Variants in CAB39L observed in about 807,000 individuals in gnomAD.
CAB39L encodes the protein calcium-binding protein 39-like.
CAB39L carries 23 observed loss-of-function variants against 39.1 expected under a neutral mutation model. That is an observed-to-expected ratio of 0.59 (90% CI 0.42 to 0.83). CAB39L has a LOEUF of 0.83. Ranked by LOEUF, CAB39L falls within the 40% of genes least tolerant of loss-of-function variation. The pLI is 0.00. For synonymous variants in CAB39L, 126 were observed against 137.2 expected, an observed-to-expected ratio of 0.92 and a Z score of 0.57; for missense variants, 366 against 391.9, an observed-to-expected ratio of 0.93 and a Z score of 0.56.
chr13:49,383,686 C>T (rs989343314), intron 3 of CAB39L, among the ~76,000 whole-genome samples: 1 of 152,166 alleles, frequency 6.6e-6, no homozygotes, highest in Non-Finnish European at 1.5e-5. Context: ...TTACGCTATA[C>T]TGCAGTCTAT....
At chr13:49,343,976 T>C (rs1251515614) in intron 8 of CAB39L, among the ~76,000 whole-genome samples, 2 of 152,060 alleles carry the variant, frequency 1.3e-5, no homozygotes, top group African/African-American at 2.4e-5. Flanking sequence ...CGAAGAGATG[T>C]GAAAAAGGTG....
intron 3 of CAB39L, chr13:49,401,087 C>A (rs1374725664): frequency 1.3e-5 from 2 of 152,104 alleles, no homozygotes; most frequent in Admixed American, 6.6e-5. Flanking sequence ...TTACCATATT[C>A]CTTCCATTTC....
chr13:49,400,722 T>C (rs1956751918), intron 3 of CAB39L, among the ~76,000 whole-genome samples: 1 of 152,088 alleles, frequency 6.6e-6, no homozygotes, highest in South Asian at 2.1e-4. Flanking sequence ...AATGCTGTAA[T>C]TTATAATACA....
intron 10 of CAB39L, among the ~76,000 whole-genome samples, chr13:49,323,948 A>T (rs1401231450): frequency 6.6e-6 from 1 of 152,158 alleles, no homozygotes; most frequent in Non-Finnish European, 1.5e-5. Context: ...TGAATGGGGC[A>T]TCTTGTATTT....
chr13:49,371,902 AT>A (rs1047045851), intron 5 of CAB39L, among the ~76,000 whole-genome samples: 2 of 151,932 alleles, frequency 1.3e-5, no homozygotes, highest in Admixed American at 6.5e-5. Context: ...TGTTTTGCTA[AT>A]TTTTTTTAAT....
chr13:49,416,281 A>G (rs565417381), intron 3 of CAB39L, among the ~76,000 whole-genome samples: 2 of 152,328 alleles, frequency 1.3e-5, no homozygotes, highest in Admixed American at 1.3e-4. Flanking sequence ...TTGCCCTTCT[A>G]CAGAATGTGC....
In CAB39L at chr13:49,344,215, C is replaced by T. The variant is rs368589391; in HGVS notation, c.588G>A (p.Val196=). The change falls in exon 8 of 11, where the codon GTG becomes GTA. Residue 196 remains valine, a synonymous_variant. Transcript: ENST00000409308. ...TFKDLLTRHK[V]LVADFLEQNY... is the part of the protein sequence containing the mutation. ...TTTGTTCTAAGAAGTCTGCTACCAA[C>T]ACTTTATGTCTGGTTAGTAAATCCT... is the stretch of plus-strand genomic sequence containing the variant. The T allele has an allele frequency of 3.1e-4, 496 of 1,599,120 alleles. 1 individual carries two copies. The highest frequency in any genetic ancestry group is 3.9e-4 in the Non-Finnish European group (460 of 1,166,956).
intron 10 of CAB39L, among the ~76,000 whole-genome samples, chr13:49,329,449 G>T (rs1954603431): frequency 6.7e-6 from 1 of 150,228 alleles, no homozygotes. Flanking sequence ...CGAACACATG[G>T]AGACTCCTGA....
intron 3 of CAB39L, among the ~76,000 whole-genome samples, chr13:49,418,577 TA>T (rs1212561506): frequency 1.3e-5 from 2 of 152,220 alleles, no homozygotes; most frequent in African/African-American, 4.8e-5. Context: ...TTTGTTTATT[TA>T]TTTTTTTGAG....
chr13:49,359,771 C>T lies in CAB39L; in HGVS notation c.338G>A (p.Ser113Asn), dbSNP rs138590524. The T allele has an allele frequency of 8.1e-6, 13 of 1,613,304 alleles. No homozygotes were observed. The highest frequency in any genetic ancestry group is 1.1e-5 in the Non-Finnish European group (13 of 1,179,312). ...AGCACTAATATACTCCACAGTAGGA[C>T]TCCGAGTGCCTATCTGTCTTCTCAA... is the stretch of plus-strand genomic sequence containing the variant. ...NILRRQIGTR[S>N]PTVEYISAHP... The change falls in exon 6 of 11, where the codon AGT becomes AAT. Residue 113 changes from serine (S) to asparagine (N), a missense_variant. Ser to Asn is a conservative substitution (Grantham distance 46). Coordinates refer to ENST00000409308, the MANE Select transcript of CAB39L (RefSeq NM_001079670.3).
At chr13:49,344,680 T>C (rs970940470) in intron 7 of CAB39L, among the ~76,000 whole-genome samples, 1 of 151,990 alleles carries the variant, frequency 6.6e-6, no homozygotes, top group Non-Finnish European at 1.5e-5. Context: ...CGCCACCACA[T>C]CCGGCTTTTT....
chr13:49,349,359 C>T (rs1380743872), intron 7 of CAB39L, among the ~76,000 whole-genome samples: 1 of 151,174 alleles, frequency 6.6e-6, no homozygotes, highest in African/African-American at 2.4e-5. Flanking sequence ...AAAAAAGTTA[C>T]ATACGTATAT....
chr13:49,346,120 T>TATATC (rs1555254626), intron 7 of CAB39L, among the ~76,000 whole-genome samples: 1,568 of 88,468 alleles, frequency 0.018, 207 homozygotes, highest in African/African-American at 0.061. Flanking sequence ...TATATATATA[T>TATATC]ATATCATGGA....
intron 5 of CAB39L, among the ~76,000 whole-genome samples, chr13:49,372,285 C>T (rs1310041001): frequency 6.6e-6 from 1 of 152,124 alleles, no homozygotes; most frequent in African/African-American, 2.4e-5. Flanking sequence ...AATTTTAAGG[C>T]TTAAAGCATT....
At chr13:49,380,114 C>G (rs558747606) in intron 4 of CAB39L, among the ~76,000 whole-genome samples, 198 of 152,366 alleles carry the variant, frequency 1.3e-3, no homozygotes, top group African/African-American at 4.5e-3. Context: ...GCTGGGATTA[C>G]AGGCGTGAGC....
Position 49,376,995 on chromosome 13 carries a change from A to C in CAB39L, c.248T>G (p.Ile83Arg). Reference protein sequence around the residue: ...LYSSGLLVTLIADLQLIDFEG... With the variant: ...LYSSGLLVTLRADLQLIDFEG... ...AAAGTCTATCAGCTGCAGGTCAGCT[A>C]TCAGTGTCACTAGCAGGCCACTGCT... is the stretch of plus-strand genomic sequence containing the variant. The change falls in exon 5 of 11, where the codon ATA (isoleucine) becomes AGA (arginine). Residue 83 changes from isoleucine (I) to arginine (R), a missense_variant. Coordinates refer to ENST00000409308, the MANE Select transcript of CAB39L (RefSeq NM_001079670.3). The C allele has an allele frequency of 3.1e-6, 5 of 1,612,340 alleles. No homozygotes were observed. Among genetic ancestry groups the C allele is most frequent in the Non-Finnish European group, 4.2e-6 (5 of 1,178,864 alleles).
chr13:49,382,706 G>T, intron 4 of CAB39L, 94 bp downstream of exon 4: 1 of 777,386 alleles, frequency 1.3e-6, no homozygotes, highest in Non-Finnish European at 2.2e-6. Context: ...GCACATCACA[G>T]ACCATATTTT....
intron 1 of CAB39L, among the ~76,000 whole-genome samples, chr13:49,442,018 A>G (rs979360577): frequency 4.6e-5 from 7 of 152,202 alleles, no homozygotes; most frequent in Admixed American, 4.6e-4. Context: ...CTTGTTTTGC[A>G]TCCTTGCCAG....
chr13:49,354,477 A>G (rs188331841), intron 6 of CAB39L, among the ~76,000 whole-genome samples: 2 of 152,332 alleles, frequency 1.3e-5, no homozygotes, highest in East Asian at 3.9e-4. Context: ...AAATCCCACT[A>G]ACATTAATAT....
Sources: gnomAD v4.1 joint callset for allele counts (sites outside exome capture counted in the v4.1 genomes callset) on GRCh38, gnomAD v4.1.1 for gene constraint, MANE v1.5 for transcripts, NCBI Gene and HGNC (gene_info 2026-07-23, HGNC 2026-07-21) for gene names.